Variants in CNOT6 observed in about 807,000 individuals in gnomAD.
CNOT6 encodes carbon catabolite repression 4 protein.
A neutral mutation model predicts 61.2 loss-of-function variants in CNOT6; 12 were observed. That is an observed-to-expected ratio of 0.20 (90% CI 0.13 to 0.32). CNOT6 has a LOEUF of 0.32. Among genes scored for constraint, CNOT6 ranks in the 10% least tolerant of loss-of-function variants. CNOT6 has a pLI of 1.00. For missense variants in CNOT6, 405 were observed against 663.9 expected (o/e 0.61, Z 4.28); for synonymous variants, 225 against 240.6 (o/e 0.94, Z 0.60).
In CNOT6 at chr5:180,575,638, A is replaced by G. The variant is rs902302000; in HGVS notation, c.*1438A>G. The G allele has an allele frequency of 1.3e-5, 2 of 152,582 alleles. No individual in the cohort carries two copies. Among genetic ancestry groups the G allele is most frequent in the Non-Finnish European group, 2.9e-5 (2 of 68,038 alleles). 9.5% of individuals were successfully genotyped at this position (152,582 alleles called of 1,614,324 possible). On this transcript the variant is annotated 3_prime_UTR_variant, in exon 12 of 12. Coordinates refer to ENST00000261951, the MANE Select transcript of CNOT6 (RefSeq NM_001370472.1). ...AGATAAAAATTACATCATACCGTCT[A>G]TTTTGCCCATAGTGCCATTTAGAGA...
At chr5:180,508,727 A>G (rs542189715) in intron 1 of CNOT6, among the ~76,000 whole-genome samples, 3 of 151,994 alleles carry the variant, frequency 2.0e-5, no homozygotes, top group South Asian at 2.1e-4. Context: ...AGCTCAAGCA[A>G]TCCTTCCACC....
At chr5:180,548,404 A>G (rs1183916936) in intron 2 of CNOT6, among the ~76,000 whole-genome samples, 2 of 152,070 alleles carry the variant, frequency 1.3e-5, no homozygotes, top group Non-Finnish European at 2.9e-5. Context: ...CCCTGTTGAC[A>G]ACTTGAGCCA....
intron 1 of CNOT6, among the ~76,000 whole-genome samples, chr5:180,524,482 T>G (rs1207963540): frequency 6.6e-6 from 1 of 152,092 alleles, no homozygotes; most frequent in Non-Finnish European, 1.5e-5. Context: ...TCTCAGAGAT[T>G]TGGAAAATAG....
chr5:180,509,790 C>T (rs1157665620), intron 1 of CNOT6, among the ~76,000 whole-genome samples: 2 of 151,190 alleles, frequency 1.3e-5, no homozygotes, highest in African/African-American at 4.9e-5. Flanking sequence ...AAGTGATCCT[C>T]CTACCGTGGC....
At chr5:180,500,035 G>T (rs1050017016) in intron 1 of CNOT6, among the ~76,000 whole-genome samples, 7 of 152,258 alleles carry the variant, frequency 4.6e-5, no homozygotes, top group Middle Eastern at 6.8e-3. Context: ...AATATGGATT[G>T]TGCTCAAATT....
chr5:180,577,347 A>G lies in CNOT6; in HGVS notation c.*3147A>G, dbSNP rs1043287. The stretch of plus-strand genomic sequence containing the variant: ...CGAGATTCAGGTTCTCAATAATAAT[A>G]TTCAAGTTTTAGAGTTTCACTTTGT... On this transcript the variant is annotated 3_prime_UTR_variant, in exon 12 of 12. Transcript: ENST00000261951. 2,890 of 152,732 alleles carry G rather than the reference A, an allele frequency of 0.019. 37 individuals are homozygous for G. Among genetic ancestry groups the G allele is most frequent in the Non-Finnish European group, 0.027 (1,853 of 68,028 alleles). The allele number at this position is 152,732 out of a possible 1,614,324, so 9.5% of individuals were successfully genotyped here.
intron 1 of CNOT6, among the ~76,000 whole-genome samples, chr5:180,496,444 G>A (rs1756618461): frequency 6.6e-6 from 1 of 152,300 alleles, no homozygotes; most frequent in South Asian, 2.1e-4. Flanking sequence ...ATCGCTAGAG[G>A]TTTGTTCTTT....
intron 1 of CNOT6, among the ~76,000 whole-genome samples, chr5:180,496,587 A>C (rs919514145): frequency 3.3e-5 from 5 of 152,168 alleles, no homozygotes; most frequent in African/African-American, 9.6e-5. Flanking sequence ...GTGTAATCCC[A>C]GCGCTTTGGG....
chr5:180,549,519 G>A (rs551387158), intron 2 of CNOT6, among the ~76,000 whole-genome samples: 11 of 151,964 alleles, frequency 7.2e-5, no homozygotes, highest in African/African-American at 1.9e-4. Context: ...GCATGGTGGC[G>A]GGTGCCTGTA....
intron 4 of CNOT6, among the ~76,000 whole-genome samples, chr5:180,563,389 T>G (rs1224096598): frequency 7.0e-5 from 3 of 42,646 alleles, no homozygotes; most frequent in African/African-American, 1.2e-4. Context: ...TGTTTTTTTT[T>G]GTTTGTTTTT....
intron 1 of CNOT6, among the ~76,000 whole-genome samples, chr5:180,520,059 C>T (rs1201692408): frequency 3.3e-5 from 5 of 152,014 alleles, no homozygotes; most frequent in Non-Finnish European, 7.4e-5. Flanking sequence ...GTCTTGAACT[C>T]CTGACCTCAA....
intron 1 of CNOT6, among the ~76,000 whole-genome samples, chr5:180,517,303 A>G (rs1177256868): frequency 6.6e-6 from 1 of 151,812 alleles, no homozygotes; most frequent in Non-Finnish European, 1.5e-5. Context: ...TAAATTTTGT[A>G]TTTTTAGTAC....
chr5:180,531,858 C>T (rs1310183686), intron 2 of CNOT6, among the ~76,000 whole-genome samples: 1 of 152,230 alleles, frequency 6.6e-6, no homozygotes, highest in Non-Finnish European at 1.5e-5. Context: ...GCGGCGCGTG[C>T]CTGCAATCCC....
At chr5:180,524,569 C>G (rs1043304731) in intron 1 of CNOT6, among the ~76,000 whole-genome samples, 10 of 152,012 alleles carry the variant, frequency 6.6e-5, no homozygotes, top group Admixed American at 2.6e-4. Context: ...GCCAGTCTCA[C>G]AATACGAAAA....
chr5:180,539,548 G>GTTGTTT (rs1561648866), intron 2 of CNOT6, among the ~76,000 whole-genome samples: 5 of 45,848 alleles, frequency 1.1e-4, no homozygotes, highest in African/African-American at 3.0e-4. Flanking sequence ...TACTTTTTCT[G>GTTGTTT]TTCTTTTTTT....
chr5:180,527,853 C>A (rs1438733635), intron 1 of CNOT6, among the ~76,000 whole-genome samples: 1 of 152,138 alleles, frequency 6.6e-6, no homozygotes, highest in Non-Finnish European at 1.5e-5. Context: ...AAGGTCCACC[C>A]CGTCAGATCA....
At chr5:180,541,441 A>ATT (rs1163850404) in intron 2 of CNOT6, among the ~76,000 whole-genome samples, 3,824 of 106,364 alleles carry the variant, frequency 0.036, 296 homozygotes, top group African/African-American at 0.056. Flanking sequence ...TGGCCAAGAA[A>ATT]TTTTTTTTTT....
intron 4 of CNOT6, among the ~76,000 whole-genome samples, chr5:180,563,458 G>A (rs1034129204): frequency 4.6e-5 from 7 of 151,718 alleles, no homozygotes; most frequent in African/African-American, 1.7e-4. Context: ...TAGCCAGGAT[G>A]GTCTCGATCT....
intron 2 of CNOT6, among the ~76,000 whole-genome samples, chr5:180,543,050 AATTTATTTATTT>A (rs1002282672): frequency 6.6e-6 from 1 of 151,590 alleles, no homozygotes; most frequent in African/African-American, 2.4e-5. Flanking sequence ...AATTTTTTTA[AATTTATTTATTT>A]ATTTATTTAT....
Sources: allele counts gnomAD v4.1 joint callset (sites outside exome capture counted in the v4.1 genomes callset), GRCh38; gene constraint gnomAD v4.1.1; transcripts MANE v1.5; gene names NCBI Gene and HGNC (gene_info 2026-07-23, HGNC 2026-07-21).